The following MAN1C1 variants were observed in gnomAD, a reference collection of about 807,000 sequenced individuals.
MAN1C1 encodes the protein mannosyl-oligosaccharide 1,2-alpha-mannosidase IC.
Under a neutral mutation model 71.5 loss-of-function variants are expected in MAN1C1, and 49 were observed. The ratio of observed to expected loss-of-function variants is 0.69; its 90% confidence interval spans 0.54 to 0.87. The LOEUF is 0.87. Among genes scored for constraint, MAN1C1 ranks in the 40% least tolerant of loss-of-function variants. MAN1C1 has a pLI of 0.00. For missense variants in MAN1C1, 743 were observed against 835.0 expected, an observed-to-expected ratio of 0.89 and a Z score of 1.36; for synonymous variants, 352 against 343.7, an observed-to-expected ratio of 1.02 and a Z score of -0.27.
In MAN1C1 at chr1:25,746,551, A is replaced by G; in HGVS notation, c.638-117A>G. On this transcript the variant is annotated intron_variant, in intron 2 of 11. Coordinates refer to ENST00000374332, the MANE Select transcript of MAN1C1 (RefSeq NM_020379.4). This position sits in a 1 kb window ranked among gnomAD's most constrained non-coding sequence, Gnocchi z 4.0. ...AGTCCCCCGGATGGTGCCTGAGGCC[A>G]GCCTTTGCCACCAAGCCTGCGCTGG... The G allele has an allele frequency of 1.2e-6, 1 of 820,114 alleles. No homozygotes were observed. The highest frequency in any genetic ancestry group is 2.1e-6 in the Non-Finnish European group (1 of 482,838). The allele number at this position is 820,114 out of a possible 1,614,324, so 50.8% of individuals were successfully genotyped here.
chr1:25,653,361 G>C (rs1282726087), intron 1 of MAN1C1, among the ~76,000 whole-genome samples: 2 of 152,146 alleles, frequency 1.3e-5, no homozygotes, highest in Non-Finnish European at 2.9e-5. Flanking sequence ...TTACAGGTGT[G>C]AGCCACCATG....
Position 25,782,823 on chromosome 1 carries a change from G to A in MAN1C1, c.1766+123G>A. The stretch of plus-strand genomic sequence containing the variant: ...GACGGGAGCCCAAAAGGGGTGAAGG[G>A]CTTGGGATCCAGAGGGCTGCACCCC... On this transcript the variant is annotated intron_variant, in intron 11 of 11. Coordinates refer to ENST00000374332, the MANE Select transcript of MAN1C1 (RefSeq NM_020379.4). The surrounding 1 kb of genome is among the most constrained non-coding windows in gnomAD (Gnocchi z 4.4). 1.4e-6 allele frequency: 1 copy of A among 697,796 alleles called. No individual in the cohort carries two copies. Among genetic ancestry groups the A allele is most frequent in the Non-Finnish European group, 2.5e-6 (1 of 405,666 alleles). The allele number at this position is 697,796 out of a possible 1,614,324, so 43.2% of individuals were successfully genotyped here.
chr1:25,710,645 G>C (rs1243417217), intron 2 of MAN1C1, among the ~76,000 whole-genome samples: 1 of 152,174 alleles, frequency 6.6e-6, no homozygotes, highest in Non-Finnish European at 1.5e-5. Flanking sequence ...CGGGGACCCA[G>C]TGGCTTTCTG....
chr1:25,763,497 A>AC (rs2047387752), intron 6 of MAN1C1: 1 of 184,840 alleles, frequency 5.4e-6, no homozygotes, highest in Admixed American at 6.0e-5. Flanking sequence ...AAAAAAAAAA[A>AC]AAAAAAAAAA....
chr1:25,716,680 A>G (rs1572170555), intron 2 of MAN1C1, among the ~76,000 whole-genome samples: 2 of 152,198 alleles, frequency 1.3e-5, no homozygotes, highest in East Asian at 3.8e-4. Flanking sequence ...CTGGGTTTTA[A>G]TCCCAATTGG....
At position 25,772,731 on chromosome 1, in the gene MAN1C1, C is replaced by G. The variant is rs535004894; in HGVS notation, c.1257+959C>G. Among the ~76,000 whole-genome samples, 239 of 152,314 alleles carry G rather than the reference C, an allele frequency of 1.6e-3. 1 individual carries two copies. The highest frequency in any genetic ancestry group is 6.9e-4 in the Non-Finnish European group (47 of 68,024). On this transcript the variant is annotated intron_variant, in intron 8 of 11. Transcript: ENST00000374332. ...TCTCCTCTCTGGCTTCCCTTAGCAC[C>G]TGGAATAAATCCAACTCCTCTCCTT...
chr1:25,706,500 C>G (rs768585009), intron 2 of MAN1C1, among the ~76,000 whole-genome samples: 3 of 152,148 alleles, frequency 2.0e-5, no homozygotes, highest in Non-Finnish European at 4.4e-5. Flanking sequence ...AGACCAGGTT[C>G]TTTACAGAGA....
chr1:25,668,000 G>A (rs570108915), intron 1 of MAN1C1, among the ~76,000 whole-genome samples: 3 of 152,122 alleles, frequency 2.0e-5, no homozygotes, highest in East Asian at 1.9e-4. Context: ...AGGCTAGGCC[G>A]GTCTGTTTAC....
intron 2 of MAN1C1, among the ~76,000 whole-genome samples, chr1:25,700,637 G>A (rs143939831): frequency 6.6e-6 from 1 of 152,338 alleles, no homozygotes; most frequent in East Asian, 1.9e-4. Context: ...TTTAAGAAGA[G>A]AGGCTTGTCA....
chr1:25,783,883 C>G lies in MAN1C1; in HGVS notation c.*94C>G. The G allele has an allele frequency of 6.8e-7, 1 of 1,468,550 alleles. No homozygotes were observed. Among genetic ancestry groups the G allele is most frequent in the Non-Finnish European group, 9.1e-7 (1 of 1,094,976 alleles). 91.0% of individuals were successfully genotyped at this position (1,468,550 alleles called of 1,614,324 possible). ...CTCAAAGGGATTGGGAACGAAGGCCCCATCTCGGGCAGACCCCCAGCAGAT... is the reference window on the plus strand; with the variant it reads ...CTCAAAGGGATTGGGAACGAAGGCCGCATCTCGGGCAGACCCCCAGCAGAT... On this transcript the variant is annotated 3_prime_UTR_variant, in exon 12 of 12. Coordinates refer to ENST00000374332, the MANE Select transcript of MAN1C1 (RefSeq NM_020379.4).
intron 1 of MAN1C1, among the ~76,000 whole-genome samples, chr1:25,642,746 T>C (rs1009109673): frequency 3.3e-5 from 5 of 152,212 alleles, no homozygotes; most frequent in African/African-American, 1.2e-4. Context: ...AGAGCATTCA[T>C]AGAGAGTCAG....
intron 1 of MAN1C1, among the ~76,000 whole-genome samples, chr1:25,655,289 C>T (rs1485907003): frequency 6.6e-6 from 1 of 152,174 alleles, no homozygotes; most frequent in East Asian, 1.9e-4. Context: ...CACTCAGCTC[C>T]TGGAGTCCGT....
At chr1:25,729,477 C>CTT (rs1251495380) in intron 2 of MAN1C1, among the ~76,000 whole-genome samples, 65 of 143,546 alleles carry the variant, frequency 4.5e-4, no homozygotes, top group African/African-American at 1.5e-3. Flanking sequence ...TCTTTTTCTT[C>CTT]TTTTTTTTTT....
rs1225418868 is a variant in MAN1C1, at chr1:25,730,697, AG to A, written c.638-15968del. Reference sequence around the variant, plus strand: ...CAGTTCTTGCCCCAGAAGCATGCTCAGGGCTGTCACGACTGGATGAGGCCTG... The same window carrying A: ...CAGTTCTTGCCCCAGAAGCATGCTCAGGCTGTCACGACTGGATGAGGCCTG... On this transcript the variant is annotated intron_variant, in intron 2 of 11. Transcript: ENST00000374332. The surrounding 1 kb of genome is among the most constrained non-coding windows in gnomAD (Gnocchi z 4.3). Among the ~76,000 whole-genome samples the A allele has an allele frequency of 1.3e-5, 2 of 152,214 alleles. No individual in the cohort carries two copies. Among genetic ancestry groups the A allele is most frequent in the South Asian group, 2.1e-4 (1 of 4,830 alleles).
rs2045141592 is a variant in MAN1C1 at position 25,618,188 on chromosome 1, GCCTCC to G, written c.392_396del (p.Ala131GlufsTer12). The G allele has an allele frequency of 6.3e-7, 1 of 1,578,088 alleles. No homozygotes were observed. The highest frequency in any genetic ancestry group is 8.6e-7 in the Non-Finnish European group (1 of 1,167,352). On this transcript the variant is annotated frameshift_variant, in exon 1 of 12. Coordinates refer to ENST00000374332, the MANE Select transcript of MAN1C1 (RefSeq NM_020379.4). LOFTEE classifies it high-confidence loss of function. Reference sequence around the variant, plus strand: ...GGCGGCCCGGGGCAATAGCATCCCGGCCTCCAGGCCCGGGGACGAGGGCGTCCCTT... The same window carrying G: ...GGCGGCCCGGGGCAATAGCATCCCGGAGGCCCGGGGACGAGGGCGTCCCTT...
intron 6 of MAN1C1, chr1:25,759,233 A>T (rs1053243939): frequency 5.9e-6 from 1 of 168,694 alleles, no homozygotes; most frequent in Admixed American, 5.5e-5. Context: ...TTAAGGCCAC[A>T]TGGGGAGCTT....
intron 2 of MAN1C1, among the ~76,000 whole-genome samples, chr1:25,728,991 C>T (rs2124295483): frequency 6.6e-6 from 1 of 152,350 alleles, no homozygotes; most frequent in South Asian, 2.1e-4. Flanking sequence ...TCTGGATCTC[C>T]AAATGCTGTT....
chr1:25,766,308 G>GT (rs1383935063), intron 7 of MAN1C1, among the ~76,000 whole-genome samples: 1 of 151,952 alleles, frequency 6.6e-6, no homozygotes, highest in Non-Finnish European at 1.5e-5. Flanking sequence ...CCTGGCCTTG[G>GT]TGCCCGGGGT....
At chr1:25,713,180 C>G (rs1370902157) in intron 2 of MAN1C1, among the ~76,000 whole-genome samples, 1 of 151,942 alleles carries the variant, frequency 6.6e-6, no homozygotes, top group Non-Finnish European at 1.5e-5. Flanking sequence ...ACACAGGCCT[C>G]CTGCCTGCCT....
Sources: gnomAD v4.1 joint callset for allele counts (sites outside exome capture counted in the v4.1 genomes callset) on GRCh38, gnomAD v4.1.1 for gene constraint, Gnocchi (gnomAD v3.1) non-coding constraint, MANE v1.5 for transcripts, NCBI Gene and HGNC (gene_info 2026-07-23, HGNC 2026-07-21) for gene names.